The following XPO6 variants were observed in gnomAD, a reference collection of about 807,000 sequenced individuals.
XPO6 encodes the protein exportin-6.
XPO6 carries 3 observed loss-of-function variants against 130.0 expected under a neutral mutation model. The ratio of observed to expected loss-of-function variants is 0.02; its 90% CI spans 0.01 to 0.06. The LOEUF is 0.06. Ranked by LOEUF, XPO6 falls within the 10% of genes least tolerant of loss-of-function variation. XPO6 has a pLI of 1.00. For missense variants in XPO6, 970 were observed against 1,393.0 expected, an observed-to-expected ratio of 0.70 and a Z score of 4.83; for synonymous variants, 524 against 548.9, an observed-to-expected ratio of 0.95 and a Z score of 0.63.
chr16:28,139,718 T>C (rs1454799607), intron 9 of XPO6, among the ~76,000 whole-genome samples: 3 of 152,094 alleles, frequency 2.0e-5, no homozygotes, highest in Non-Finnish European at 4.4e-5. Flanking sequence ...GTATATATAC[T>C]GTAATACCCA....
At chr16:28,199,850 T>C (rs1206095507) in intron 1 of XPO6, among the ~76,000 whole-genome samples, 1 of 150,546 alleles carries the variant, frequency 6.6e-6, no homozygotes. Context: ...GGCCTCCTCA[T>C]GAATTTTTTA....
In XPO6 at chr16:28,156,429, G is replaced by A; in HGVS notation, c.742C>T (p.Leu248=). ...AGATGGGCCAGGCACTCCAAAGCCA[G>A]GGAACAGATATACTCACTCTCCACA... The part of the protein sequence containing the change: ...LDVESEYICS[L]ALECLAHLFS... Residue 248 remains leucine, a synonymous_variant, in exon 7 of 24, where the codon CTG becomes TTG. Transcript: ENST00000304658. 6.2e-7 allele frequency: 1 copy of A among 1,614,028 alleles called. No homozygotes were observed.
In XPO6 at chr16:28,135,240, C is replaced by T; in HGVS notation, c.1419G>A (p.Leu473=). The T allele has an allele frequency of 2.5e-6, 4 of 1,613,784 alleles. No individual in the cohort carries two copies. The highest frequency in any genetic ancestry group is 3.4e-6 in the Non-Finnish European group (4 of 1,179,828). ...FRYNQAQLEE[L]DDETLDDDQQ... ...CATCGTCATCCAGAGTCTCATCATC[C>T]AACTCCTCCAGCTGGGCTTGGTTGT... Residue 473 remains leucine, a synonymous_variant, in exon 10 of 24, where the codon TTG becomes TTA. Coordinates refer to ENST00000304658, the MANE Select transcript of XPO6 (RefSeq NM_015171.4).
chr16:28,184,227 C>T (rs1186253779), intron 1 of XPO6, among the ~76,000 whole-genome samples: 4 of 152,190 alleles, frequency 2.6e-5, no homozygotes, highest in African/African-American at 7.2e-5. Flanking sequence ...TTATCTCCTG[C>T]GCTGCATTAA....
intron 6 of XPO6, among the ~76,000 whole-genome samples, chr16:28,162,376 C>T (rs2043290674): frequency 6.6e-6 from 1 of 152,214 alleles, no homozygotes; most frequent in Non-Finnish European, 1.5e-5. Flanking sequence ...GATTCTGCTT[C>T]ATGCAGCAGC....
At chr16:28,098,804 C>T (rs997181621) in intron 23 of XPO6, among the ~76,000 whole-genome samples, 165 bp from the exon 24 acceptor site, 1 of 152,106 alleles carries the variant, frequency 6.6e-6, no homozygotes, top group African/African-American at 2.4e-5. Flanking sequence ...AGACTCTGTG[C>T]CAGGCGCTGT....
chr16:28,110,913 TGTC>T (rs2086904734), intron 17 of XPO6, among the ~76,000 whole-genome samples: 1 of 152,228 alleles, frequency 6.6e-6, no homozygotes, highest in African/African-American at 2.4e-5. Context: ...ACCCTCAATA[TGTC>T]AGCTACTCTC....
chr16:28,188,236 C>T (rs151123450), intron 1 of XPO6, among the ~76,000 whole-genome samples: 35 of 152,218 alleles, frequency 2.3e-4, no homozygotes, highest in Middle Eastern at 6.8e-3. Flanking sequence ...GCCAACATGC[C>T]CAGCCAAAAA....
intron 14 of XPO6, among the ~76,000 whole-genome samples, chr16:28,120,341 G>A (rs769488667): frequency 1.3e-5 from 2 of 152,096 alleles, no homozygotes; most frequent in Non-Finnish European, 2.9e-5. Flanking sequence ...ATTAGCAGTT[G>A]GGTAAGAAAA....
chr16:28,173,548 G>A (rs936747111), intron 4 of XPO6, among the ~76,000 whole-genome samples: 1 of 152,114 alleles, frequency 6.6e-6, no homozygotes, highest in Non-Finnish European at 1.5e-5. Context: ...GTCAAGACCA[G>A]CCTAGGCAAC....
At chr16:28,113,114 T>A in intron 15 of XPO6, 64 bp from the exon 16 acceptor site, 1 of 1,559,250 alleles carries the variant, frequency 6.4e-7, no homozygotes, top group South Asian at 1.2e-5. Context: ...CGAACTTTGC[T>A]GAGGCAGCCA....
At chr16:28,148,957 G>A (rs771976390) in intron 8 of XPO6, among the ~76,000 whole-genome samples, 4 of 151,414 alleles carry the variant, frequency 2.6e-5, no homozygotes, top group Non-Finnish European at 5.9e-5. Flanking sequence ...AGGTAGAACT[G>A]CTTGAACCCA....
chr16:28,172,261 T>C (rs1418603192), intron 4 of XPO6, among the ~76,000 whole-genome samples: 3 of 152,244 alleles, frequency 2.0e-5, no homozygotes, highest in African/African-American at 7.2e-5. Flanking sequence ...CCCTTTACCA[T>C]CTTCACATCT....
intron 4 of XPO6, among the ~76,000 whole-genome samples, chr16:28,172,814 C>G (rs908982111): frequency 1.3e-5 from 2 of 152,048 alleles, no homozygotes; most frequent in Non-Finnish European, 1.5e-5. Flanking sequence ...AGATGATTTA[C>G]TCAAAGGATC....
At position 28,111,829 on chromosome 16, in the gene XPO6, G is replaced by A; in HGVS notation, c.2329C>T (p.Pro777Ser). The change falls in exon 17 of 24, where the codon CCA becomes TCA. Residue 777 changes from proline (P) to serine (S), a missense_variant. Physicochemically the swap from Pro to Ser is moderately conservative, Grantham distance 74 (BLOSUM62 -1). Around this residue, in one of 4 missense-constraint regions of XPO6, gnomAD observed 936 missense variants for 1,306.8 expected, o/e 0.72. Coordinates refer to ENST00000304658, the MANE Select transcript of XPO6 (RefSeq NM_015171.4). ...AGGGGTCACTTACTGTCATCCAGTG[G>A]CATCTTTCTCTGTGGGGCAACAGCA... ...PSAVAPQRKM[P>S]LDDTKLIIHQ... The A allele has an allele frequency of 6.2e-7, 1 of 1,614,042 alleles. No homozygotes were observed. The highest frequency in any genetic ancestry group is 1.7e-5 in the Admixed American group (1 of 60,016).
At chr16:28,178,103 G>C (rs2043560451) in intron 2 of XPO6, among the ~76,000 whole-genome samples, 1 of 152,136 alleles carries the variant, frequency 6.6e-6, no homozygotes, top group South Asian at 2.1e-4. Context: ...CTGCTGCACT[G>C]GTCATGAAAT....
intron 14 of XPO6, among the ~76,000 whole-genome samples, chr16:28,119,544 ACT>A (rs1008349645): frequency 2.0e-5 from 3 of 152,220 alleles, no homozygotes; most frequent in South Asian, 2.1e-4. Context: ...GTCCTCAGTC[ACT>A]CTCACACACA....
intron 20 of XPO6, 97 bp from the exon 21 acceptor site, chr16:28,104,804 C>G: frequency 7.2e-7 from 1 of 1,385,132 alleles, no homozygotes; most frequent in Non-Finnish European, 9.8e-7. Context: ...CTCGTGACAG[C>G]AAGCCGAGTG....
At chr16:28,125,396 C>A (rs971889868) in intron 13 of XPO6, among the ~76,000 whole-genome samples, 1 of 152,202 alleles carries the variant, frequency 6.6e-6, no homozygotes, top group African/African-American at 2.4e-5. Context: ...AGAAACAATA[C>A]CTTAAATAAC....
Sources: allele counts gnomAD v4.1 joint callset (sites outside exome capture counted in the v4.1 genomes callset), GRCh38; gene constraint gnomAD v4.1.1; regional missense constraint gnomAD v4.1.1; transcripts MANE v1.5; gene names NCBI Gene and HGNC (gene_info 2026-07-23, HGNC 2026-07-21).